SCHIP1: variants seen among roughly 807,000 people sequenced by gnomAD.
SCHIP1 encodes the protein schwannomin-interacting protein 1.
A neutral mutation model predicts 29.7 loss-of-function variants in SCHIP1; 8 were observed. The observed-to-expected ratio is 0.27, with a 90% CI of 0.16 to 0.49. The LOEUF is 0.49. Ranked by LOEUF, SCHIP1 falls within the 20% of genes least tolerant of loss-of-function variation. The probability of loss-of-function intolerance (pLI) is 0.99; values close to 1 mark genes in which losing one functional copy is unlikely to be tolerated. For synonymous variants in SCHIP1, 76 were observed against 94.9 expected (o/e 0.80, Z 1.16); for missense variants, 193 against 294.6 (o/e 0.66, Z 2.52).
chr3:159,594,783 C>T, the SCHIP1 span, among the ~76,000 whole-genome samples: 7 of 152,274 alleles, frequency 4.6e-5, no homozygotes, highest in African/African-American at 1.7e-4. Context: ...CCCAAATACA[C>T]AAATTGTTCA....
chr3:159,882,747 C>A (rs1716569536), intron 2 of SCHIP1, among the ~76,000 whole-genome samples: 1 of 152,242 alleles, frequency 6.6e-6, no homozygotes, highest in African/African-American at 2.4e-5. Flanking sequence ...ATCCTCTCAA[C>A]TCCTGTGCAT....
chr3:159,801,969 A>G, the SCHIP1 span, among the ~76,000 whole-genome samples: 1 of 152,166 alleles, frequency 6.6e-6, no homozygotes, highest in Non-Finnish European at 1.5e-5. Context: ...AGTGTGATTG[A>G]CAGTTGAAGA....
the SCHIP1 span, among the ~76,000 whole-genome samples, chr3:159,533,502 T>G: frequency 2.6e-5 from 4 of 152,140 alleles, no homozygotes; most frequent in African/African-American, 9.7e-5. Context: ...CAGCAACCAA[T>G]GAGGCTTTTT....
chr3:159,666,772 AT>A, the SCHIP1 span, among the ~76,000 whole-genome samples: 1 of 152,356 alleles, frequency 6.6e-6, no homozygotes, highest in South Asian at 2.1e-4. Flanking sequence ...AAAGAAATGT[AT>A]CATCATGAAG....
Position 159,887,906 on chromosome 3 carries a change from G to A in SCHIP1, c.465+1G>A. 1.2e-6 allele frequency: 2 copies of A among 1,613,954 alleles called. No individual in the cohort carries two copies. Among genetic ancestry groups the A allele is most frequent in the East Asian group, 2.2e-5 (1 of 44,880 alleles). On this transcript the variant is annotated splice_donor_variant, in intron 4 of 6. Transcript: ENST00000445224. LOFTEE classifies it high-confidence loss of function. ...GAAAAAGTCTCCCGTCGCTGATCTT[G>A]TAAGCAGCAAAGGCTGAAATGCAAG... is the stretch of plus-strand genomic sequence containing the variant.
chr3:159,797,174 T>C, the SCHIP1 span, among the ~76,000 whole-genome samples: 1 of 152,262 alleles, frequency 6.6e-6, no homozygotes, highest in Non-Finnish European at 1.5e-5. Context: ...GTAAGGTTGT[T>C]GCATGCTTTT....
At chr3:159,606,880 G>A in the SCHIP1 span, among the ~76,000 whole-genome samples, 1 of 152,162 alleles carries the variant, frequency 6.6e-6, no homozygotes, top group African/African-American at 2.4e-5. Context: ...CCCAGATAAT[G>A]TGACCCACAA....
In SCHIP1 at chr3:159,859,998, T is replaced by C. The variant is rs111631492; in HGVS notation, c.31-6165T>C. Among the ~76,000 whole-genome samples, 24 of 120,998 alleles carry C rather than the reference T, an allele frequency of 2.0e-4. No individual in the cohort carries two copies. In the East Asian group the frequency reaches 4.2e-3, roughly 21 times the overall value. The allele number at this position is 120,998 out of a possible 152,430, so 79.4% of individuals were successfully genotyped here. ...CAGGGTGTGTGTGTGTGTGTGTGCGTGTGTGTGTGTGTCTGTCTGTCTGTC... is the reference window on the plus strand; with the variant it reads ...CAGGGTGTGTGTGTGTGTGTGTGCGCGTGTGTGTGTGTCTGTCTGTCTGTC... On this transcript the variant is annotated intron_variant, in intron 1 of 6. Coordinates refer to ENST00000445224, the Ensembl canonical transcript of SCHIP1.
chr3:159,766,378 C>G, the SCHIP1 span, among the ~76,000 whole-genome samples: 5 of 152,200 alleles, frequency 3.3e-5, no homozygotes, highest in Non-Finnish European at 7.3e-5. Flanking sequence ...TGGGAAACTA[C>G]TTAATAAATT....
At chr3:159,274,952 A>G in the SCHIP1 span, 1 of 980,858 alleles carries the variant, frequency 1.0e-6, no homozygotes, top group Non-Finnish European at 1.2e-6. Context: ...CAATTCAAAT[A>G]TAATGGATTC....
chr3:159,818,300 A>G, the SCHIP1 span, among the ~76,000 whole-genome samples: 1 of 152,206 alleles, frequency 6.6e-6, no homozygotes, highest in Non-Finnish European at 1.5e-5. Flanking sequence ...GCTGTAAACA[A>G]ATAGTTGGGT....
At chr3:159,297,458 T>C in the SCHIP1 span, among the ~76,000 whole-genome samples, 1 of 152,114 alleles carries the variant, frequency 6.6e-6, no homozygotes, top group East Asian at 1.9e-4. Flanking sequence ...GCTATTCTCA[T>C]TTTTCAGGGA....
the SCHIP1 span, among the ~76,000 whole-genome samples, chr3:159,464,916 T>C: frequency 9.1e-4 from 138 of 152,256 alleles, no homozygotes; most frequent in East Asian, 0.02. Context: ...GAATATTCAC[T>C]AGAACTACAG....
chr3:159,761,785 C>CTTA, the SCHIP1 span, among the ~76,000 whole-genome samples: 223 of 152,332 alleles, frequency 1.5e-3, 3 homozygotes, highest in African/African-American at 4.8e-3. Context: ...TGGCACTAGA[C>CTTA]TTACTTTGCC....
At chr3:159,667,644 G>A in the SCHIP1 span, among the ~76,000 whole-genome samples, 1 of 152,186 alleles carries the variant, frequency 6.6e-6, no homozygotes, top group Non-Finnish European at 1.5e-5. Flanking sequence ...TTGGAACACT[G>A]AGTCCAAGAA....
chr3:159,832,067 A>C, the SCHIP1 span, among the ~76,000 whole-genome samples: 2 of 152,136 alleles, frequency 1.3e-5, no homozygotes, highest in Non-Finnish European at 2.9e-5. Context: ...CAAATAATAC[A>C]ACAAAGCCCC....
At chr3:159,418,282 A>G in the SCHIP1 span, among the ~76,000 whole-genome samples, 2 of 152,178 alleles carry the variant, frequency 1.3e-5, no homozygotes, top group African/African-American at 4.8e-5. Context: ...TTTGCTAGCC[A>G]AACAACACTG....
At chr3:159,478,143 G>A in the SCHIP1 span, among the ~76,000 whole-genome samples, 107 of 151,962 alleles carry the variant, frequency 7.0e-4, no homozygotes, top group African/African-American at 2.6e-3. Context: ...GGATGGTCTC[G>A]AAATCCTGAC....
chr3:159,888,212 T>C (rs1406490963), intron 4 of SCHIP1: 2 of 384,648 alleles, frequency 5.2e-6, no homozygotes, highest in South Asian at 3.0e-5. Context: ...TAAGAACCTA[T>C]TGGTCTTGGC....
Sources: gnomAD v4.1 joint callset for allele counts (sites outside exome capture counted in the v4.1 genomes callset) on GRCh38, gnomAD v4.1.1 for gene constraint, MANE v1.5 for transcripts, NCBI Gene and HGNC (gene_info 2026-07-23, HGNC 2026-07-21) for gene names.